The following GPR137C variants were observed in gnomAD, a reference collection of about 807,000 sequenced individuals.
The protein encoded by GPR137C is G protein-coupled receptor 137C.
A neutral mutation model predicts 43.4 loss-of-function variants in GPR137C; 27 were observed. The ratio of observed to expected loss-of-function variants is 0.62; its 90% CI spans 0.46 to 0.86. GPR137C has a LOEUF of 0.86. Among genes scored for constraint, GPR137C ranks in the 40% least tolerant of loss-of-function variants. GPR137C has a pLI of 0.00. For missense variants in GPR137C, 522 were observed against 534.6 expected (o/e 0.98, Z 0.23); for synonymous variants, 285 against 226.9 (o/e 1.26, Z -2.30).
At chr14:52,634,543 C>T (rs1292590155) in intron 6 of GPR137C, among the ~76,000 whole-genome samples, 1 of 151,998 alleles carries the variant, frequency 6.6e-6, no homozygotes, top group Non-Finnish European at 1.5e-5. Context: ...TGCTTTTCAT[C>T]TGTAAGACAG....
intron 1 of GPR137C, among the ~76,000 whole-genome samples, chr14:52,589,060 A>G (rs879237303): frequency 1.3e-5 from 2 of 152,246 alleles, no homozygotes; most frequent in Admixed American, 1.3e-4. Context: ...CCTTAGAAAG[A>G]AAGGACATTC....
intron 3 of GPR137C, among the ~76,000 whole-genome samples, chr14:52,618,390 A>G (rs2139563638): frequency 1.3e-5 from 2 of 152,202 alleles, no homozygotes; most frequent in South Asian, 4.1e-4. Flanking sequence ...CTTTTTGTCT[A>G]TTGCTAACAT....
chr14:52,594,391 G>C (rs2038824023), intron 1 of GPR137C, among the ~76,000 whole-genome samples: 1 of 152,162 alleles, frequency 6.6e-6, no homozygotes, highest in Admixed American at 6.6e-5. Context: ...TTAACCTTCT[G>C]TCTCGTTGAT....
At chr14:52,586,381 T>C (rs1396331749) in intron 1 of GPR137C, among the ~76,000 whole-genome samples, 1 of 152,232 alleles carries the variant, frequency 6.6e-6, no homozygotes, top group Non-Finnish European at 1.5e-5. Flanking sequence ...TATCAACTCC[T>C]TGCACTTCTG....
intron 3 of GPR137C, 81 bp downstream of exon 3, chr14:52,600,422 A>G (rs1313914097): frequency 1.4e-6 from 1 of 712,664 alleles, no homozygotes; most frequent in East Asian, 2.7e-5. Flanking sequence ...TGGAAAGTTT[A>G]TATTGCTATT....
chr14:52,611,560 A>G (rs989310992), intron 3 of GPR137C: 9 of 391,596 alleles, frequency 2.3e-5, no homozygotes, highest in African/African-American at 1.7e-4. Flanking sequence ...TGGTATTTTC[A>G]TTGTTATATT....
At chr14:52,608,932 G>A (rs933803325) in intron 3 of GPR137C, among the ~76,000 whole-genome samples, 1 of 152,094 alleles carries the variant, frequency 6.6e-6, no homozygotes, top group African/African-American at 2.4e-5. Flanking sequence ...TCTGATTGGT[G>A]ACCTTTGACT....
intron 3 of GPR137C, among the ~76,000 whole-genome samples, chr14:52,604,076 A>G (rs555383527): frequency 6.6e-6 from 1 of 152,184 alleles, no homozygotes; most frequent in South Asian, 2.1e-4. Context: ...AGAGATGTCT[A>G]TTCAGGTATG....
intron 1 of GPR137C, among the ~76,000 whole-genome samples, chr14:52,577,144 G>T (rs534034410): frequency 8.2e-6 from 1 of 122,338 alleles, no homozygotes; most frequent in East Asian, 2.5e-4. Flanking sequence ...CCAAATTCGT[G>T]CCACTGCACT....
At position 52,553,323 on chromosome 14, in the gene GPR137C, C is replaced by A; in HGVS notation, c.176C>A (p.Ala59Glu). The A allele has an allele frequency of 1.3e-6, 2 of 1,590,226 alleles. No individual in the cohort carries two copies. Among genetic ancestry groups the A allele is most frequent in the South Asian group, 1.1e-5 (1 of 88,880 alleles). Residue 59 changes from alanine (A) to glutamate (E), a missense_variant, in exon 1 of 7, where the codon GCG (alanine) becomes GAG (glutamate). Physicochemically the swap from Ala to Glu is moderately radical, Grantham distance 107. Coordinates refer to ENST00000321662, the MANE Select transcript of GPR137C (RefSeq NM_001099652.2). ...LSVLHALLYA[A>E]LFAFAYLQLW... Reference sequence around the variant, plus strand: ...GTCCTGCACGCCCTGCTCTACGCCGCGCTGTTCGCCTTTGCCTACCTGCAG... The same window carrying A: ...GTCCTGCACGCCCTGCTCTACGCCGAGCTGTTCGCCTTTGCCTACCTGCAG...
chr14:52,557,839 T>C (rs1389815991), intron 1 of GPR137C, among the ~76,000 whole-genome samples: 1 of 152,248 alleles, frequency 6.6e-6, no homozygotes. Context: ...TCAAGTAATT[T>C]GTTTCTATAC....
At chr14:52,589,478 G>T (rs1001065407) in intron 1 of GPR137C, among the ~76,000 whole-genome samples, 1 of 152,054 alleles carries the variant, frequency 6.6e-6, no homozygotes, top group African/African-American at 2.4e-5. Flanking sequence ...ATCTGAAGAG[G>T]GTGGATGGAA....
rs199983262 is a variant in GPR137C, at chr14:52,569,362, CA to C, written c.444+15783del. Among the ~76,000 whole-genome samples the C allele has an allele frequency of 4.8e-3, 675 of 141,432 alleles. 3 individuals are homozygous for C. The highest frequency in any genetic ancestry group is 0.014 in the Middle Eastern group (4 of 282). The allele number at this position is 141,432 out of a possible 152,430, so 92.8% of individuals were successfully genotyped here. Reference sequence around the variant, plus strand: ...ACCAGTGCAGAAAGGCTGAAAATTCCAAAAAAAAAAAATGCATCTACTCCTC... The same window carrying C: ...ACCAGTGCAGAAAGGCTGAAAATTCCAAAAAAAAAAATGCATCTACTCCTC... On this transcript the variant is annotated intron_variant, in intron 1 of 6. Coordinates refer to ENST00000321662, the MANE Select transcript of GPR137C (RefSeq NM_001099652.2).
At chr14:52,598,983 C>T (rs998608824) in intron 2 of GPR137C, among the ~76,000 whole-genome samples, 1 of 152,160 alleles carries the variant, frequency 6.6e-6, no homozygotes, top group South Asian at 2.1e-4. Flanking sequence ...TGCACATTAC[C>T]TTCAATTTAC....
chr14:52,566,101 A>G (rs974483128), intron 1 of GPR137C, among the ~76,000 whole-genome samples: 7 of 152,230 alleles, frequency 4.6e-5, no homozygotes, highest in African/African-American at 1.4e-4. Context: ...CCAGTTAAAC[A>G]GAGTTATACA....
intron 3 of GPR137C, among the ~76,000 whole-genome samples, chr14:52,628,786 A>T (rs1405585231): frequency 6.6e-6 from 1 of 152,148 alleles, no homozygotes; most frequent in Non-Finnish European, 1.5e-5. Context: ...ACAGAGGGAG[A>T]CTGTCTCAAA....
intron 3 of GPR137C, among the ~76,000 whole-genome samples, chr14:52,623,911 C>T (rs2039190219): frequency 1.3e-5 from 2 of 152,002 alleles, no homozygotes; most frequent in African/African-American, 4.8e-5. Flanking sequence ...TCATTAAGTA[C>T]ATTCATATTG....
At chr14:52,621,759 T>C (rs1283349122) in intron 3 of GPR137C, among the ~76,000 whole-genome samples, 2 of 151,638 alleles carry the variant, frequency 1.3e-5, no homozygotes, top group Admixed American at 6.6e-5. Flanking sequence ...AGAGCAATGG[T>C]TCTCAAATTT....
intron 3 of GPR137C, among the ~76,000 whole-genome samples, chr14:52,616,741 G>C (rs1356368092): frequency 6.6e-6 from 1 of 152,136 alleles, no homozygotes; most frequent in Non-Finnish European, 1.5e-5. Flanking sequence ...GTTAAATTCA[G>C]AAGTTTAGTT....
Sources: allele counts gnomAD v4.1 joint callset (sites outside exome capture counted in the v4.1 genomes callset), GRCh38; gene constraint gnomAD v4.1.1; transcripts MANE v1.5; gene names NCBI Gene and HGNC (gene_info 2026-07-23, HGNC 2026-07-21).